LARGE1: variants seen among roughly 807,000 people sequenced by gnomAD.
The protein encoded by LARGE1 is LARGE xylosyl- and glucuronyltransferase 1.
Under a neutral mutation model 87.6 loss-of-function variants are expected in LARGE1, and 43 were observed. The observed-to-expected ratio is 0.49, with a 90% CI of 0.38 to 0.63. The LOEUF (loss-of-function observed/expected upper bound fraction) is 0.63. LARGE1 is among the 30% of genes least tolerant of loss of function. LARGE1 has a pLI of 0.00. For synonymous variants in LARGE1, 434 were observed against 394.6 expected (o/e 1.10, Z -1.18); for missense variants, 802 against 1,000.2 (o/e 0.80, Z 2.67).
intron 11 of LARGE1, among the ~76,000 whole-genome samples, chr22:33,200,580 GA>G (rs58513845): frequency 2.0e-5 from 3 of 152,050 alleles, no homozygotes; most frequent in African/African-American, 7.2e-5. Context: ...TCAAAAAGGA[GA>G]AAAAACTGGA....
At chr22:33,704,032 AC>A (rs2082481134) in intron 2 of LARGE1, among the ~76,000 whole-genome samples, 1 of 152,196 alleles carries the variant, frequency 6.6e-6, no homozygotes, top group Non-Finnish European at 1.5e-5. Context: ...TGGAGCTTCC[AC>A]TAAAGCGTCT....
intron 6 of LARGE1, among the ~76,000 whole-genome samples, chr22:33,551,220 T>C (rs985120552): frequency 1.3e-5 from 2 of 152,188 alleles, no homozygotes; most frequent in Non-Finnish European, 2.9e-5. Flanking sequence ...CACAAAGACA[T>C]ATACAGCCCA....
At chr22:33,442,152 A>G (rs1049657760) in intron 6 of LARGE1, among the ~76,000 whole-genome samples, 1 of 152,244 alleles carries the variant, frequency 6.6e-6, no homozygotes, top group Non-Finnish European at 1.5e-5. Context: ...ACTAGCCATC[A>G]GTTAATCAAA....
chr22:33,217,448 G>A (rs1192122149), intron 11 of LARGE1, among the ~76,000 whole-genome samples: 1 of 152,134 alleles, frequency 6.6e-6, no homozygotes, highest in Non-Finnish European at 1.5e-5. Flanking sequence ...GTTGAGCTAT[G>A]GCAGCACAGA....
chr22:33,333,013 C>CT (rs113084979), intron 10 of LARGE1, among the ~76,000 whole-genome samples: 5,423 of 140,428 alleles, frequency 0.039, 248 homozygotes, highest in African/African-American at 0.097. Context: ...GGGCAATGTC[C>CT]TTTTTTTTTT....
At chr22:33,388,913 C>G (rs998398718) in intron 7 of LARGE1, among the ~76,000 whole-genome samples, 4 of 152,212 alleles carry the variant, frequency 2.6e-5, no homozygotes, top group Non-Finnish European at 4.4e-5. Flanking sequence ...CATATATTTA[C>G]TGGAGGTGTA....
At chr22:33,075,083 C>G in the LARGE1 span, among the ~76,000 whole-genome samples, 1 of 152,208 alleles carries the variant, frequency 6.6e-6, no homozygotes, top group African/African-American at 2.4e-5. Context: ...ATAGCCTGAA[C>G]TATTAACCAT....
intron 2 of LARGE1, among the ~76,000 whole-genome samples, chr22:33,669,723 G>A (rs141154787): frequency 2.1e-4 from 32 of 152,294 alleles, no homozygotes; most frequent in African/African-American, 7.0e-4. Flanking sequence ...TTAAATTACT[G>A]CAGCACATCT....
intron 2 of LARGE1, among the ~76,000 whole-genome samples, chr22:33,658,659 G>C (rs1321350731): frequency 6.6e-6 from 1 of 152,146 alleles, no homozygotes; most frequent in Non-Finnish European, 1.5e-5. Flanking sequence ...TGGTGTATAT[G>C]TACCATATTT....
intron 2 of LARGE1, among the ~76,000 whole-genome samples, chr22:33,749,226 T>C (rs934487771): frequency 1.3e-5 from 2 of 152,222 alleles, no homozygotes; most frequent in Non-Finnish European, 2.9e-5. Context: ...GCGATTCTCC[T>C]GTCTCACCCT....
At chr22:33,583,017 A>G (rs1405757084) in intron 5 of LARGE1, among the ~76,000 whole-genome samples, 1 of 152,210 alleles carries the variant, frequency 6.6e-6, no homozygotes, top group Non-Finnish European at 1.5e-5. Flanking sequence ...GTATGAGCAC[A>G]TGTCTACCTT....
At chr22:33,426,093 C>A (rs1201832784) in intron 7 of LARGE1, among the ~76,000 whole-genome samples, 1 of 152,090 alleles carries the variant, frequency 6.6e-6, no homozygotes, top group Non-Finnish European at 1.5e-5. Flanking sequence ...GCAGTGACCT[C>A]TGGAATTAGT....
intron 1 of LARGE1, among the ~76,000 whole-genome samples, chr22:33,782,670 T>C (rs952967305): frequency 2.0e-5 from 3 of 151,784 alleles, no homozygotes; most frequent in Non-Finnish European, 4.4e-5. Context: ...ATCAAGACCA[T>C]CCTGGCCAAC....
chr22:33,584,180 G>A (rs1602564089), intron 5 of LARGE1, among the ~76,000 whole-genome samples: 1 of 152,146 alleles, frequency 6.6e-6, no homozygotes, highest in African/African-American at 2.4e-5. Context: ...ATAAAAAGCA[G>A]GTAAAGGAGT....
intron 1 of LARGE1, among the ~76,000 whole-genome samples, chr22:33,798,645 C>G (rs756644778): frequency 6.6e-6 from 1 of 152,142 alleles, no homozygotes; most frequent in South Asian, 2.1e-4. Context: ...GACCTTGACA[C>G]GTTTTTCAAA....
At chr22:33,401,809 AAAT>A (rs2065934704) in intron 7 of LARGE1, among the ~76,000 whole-genome samples, 2 of 152,284 alleles carry the variant, frequency 1.3e-5, no homozygotes, top group East Asian at 1.9e-4. Flanking sequence ...TGTGAGAAAA[AAAT>A]AAATCTATGT....
At chr22:33,640,036 C>T (rs1451420240) in intron 3 of LARGE1, among the ~76,000 whole-genome samples, 6 of 152,128 alleles carry the variant, frequency 3.9e-5, no homozygotes, top group African/African-American at 1.2e-4. Context: ...GAGAAGTTTC[C>T]GCAACACCCA....
intron 11 of LARGE1, among the ~76,000 whole-genome samples, chr22:33,252,288 A>G (rs1927048191): frequency 8.2e-6 from 1 of 121,804 alleles, no homozygotes. Context: ...ATTAATATAT[A>G]TCTAGAATCC....
intron 5 of LARGE1, among the ~76,000 whole-genome samples, chr22:33,578,470 T>A (rs2078417083): frequency 6.6e-6 from 1 of 152,216 alleles, no homozygotes; most frequent in Non-Finnish European, 1.5e-5. Flanking sequence ...ATGTTCCTCT[T>A]TCTTAGAAGA....
Sources: gnomAD v4.1 joint callset for allele counts (sites outside exome capture counted in the v4.1 genomes callset) on GRCh38, gnomAD v4.1.1 for gene constraint, MANE v1.5 for transcripts, NCBI Gene and HGNC (gene_info 2026-07-23, HGNC 2026-07-21) for gene names.